XKR9: variants seen among roughly 807,000 people sequenced by gnomAD.
The protein encoded by XKR9 is XK-related protein 9.
XKR9 carries 32 observed loss-of-function variants against 32.0 expected under a neutral mutation model. The observed-to-expected ratio is 1.00, with a 90% CI of 0.76 to 1.34. The LOEUF is 1.34. Among genes scored for constraint, XKR9 ranks in the 40% most tolerant of loss-of-function variants. The pLI is 0.00. For synonymous variants in XKR9, 168 were observed against 143.4 expected, an observed-to-expected ratio of 1.17 and a Z score of -1.22; for missense variants, 546 against 429.7, an observed-to-expected ratio of 1.27 and a Z score of -2.39.
At chr8:70,693,384 G>A (rs1377438978) in intron 3 of XKR9, among the ~76,000 whole-genome samples, 1 of 152,122 alleles carries the variant, frequency 6.6e-6, no homozygotes, top group Non-Finnish European at 1.5e-5. Context: ...CAGTCAGTTG[G>A]TAGACTCTTT....
chr8:70,747,049 A>G (rs770448469), intron 2 of XKR9, among the ~76,000 whole-genome samples: 1 of 152,146 alleles, frequency 6.6e-6, no homozygotes, highest in Admixed American at 6.5e-5. Flanking sequence ...ACTTACGATA[A>G]TGGCCTCCAG....
the XKR9 span, among the ~76,000 whole-genome samples, chr8:70,941,661 G>C: frequency 7.6e-4 from 115 of 152,150 alleles, no homozygotes; most frequent in African/African-American, 2.7e-3. Flanking sequence ...GAGTGTCTTA[G>C]GTATTAAAAC....
chr8:70,883,613 TATC>T, the XKR9 span, among the ~76,000 whole-genome samples: 1 of 152,136 alleles, frequency 6.6e-6, no homozygotes, highest in Non-Finnish European at 1.5e-5. Flanking sequence ...CTTTGAAAAA[TATC>T]ATATAGTTGA....
downstream of XKR9, among the ~76,000 whole-genome samples, chr8:70,793,549 C>G (rs946889655): frequency 2.6e-5 from 4 of 152,070 alleles, no homozygotes; most frequent in African/African-American, 9.7e-5. Context: ...TTGGACTTCT[C>G]AGCTTCCAAA....
At chr8:70,852,800 A>T in the XKR9 span, among the ~76,000 whole-genome samples, 9 of 152,172 alleles carry the variant, frequency 5.9e-5, no homozygotes, top group Non-Finnish European at 1.3e-4. Flanking sequence ...TTGAACAATG[A>T]GAATATGTGG....
the XKR9 span, among the ~76,000 whole-genome samples, chr8:70,833,437 A>T: frequency 6.6e-6 from 1 of 152,220 alleles, no homozygotes; most frequent in Non-Finnish European, 1.5e-5. Context: ...TTACTTTCCA[A>T]AAACATTTTA....
At chr8:71,006,374 T>A in the XKR9 span, among the ~76,000 whole-genome samples, 1 of 152,168 alleles carries the variant, frequency 6.6e-6, no homozygotes, top group African/African-American at 2.4e-5. Context: ...GGCGTTAGTA[T>A]ATTTTATGTG....
intron 2 of XKR9, among the ~76,000 whole-genome samples, chr8:70,778,493 T>A (rs977754959): frequency 6.6e-6 from 1 of 152,198 alleles, no homozygotes; most frequent in African/African-American, 2.4e-5. Context: ...AGAAAGTCAG[T>A]GGTAGCTTGA....
intron 4 of XKR9, among the ~76,000 whole-genome samples, chr8:70,708,464 T>C (rs1386796050): frequency 3.3e-5 from 5 of 152,072 alleles, no homozygotes; most frequent in Admixed American, 2.0e-4. Flanking sequence ...AATAGAGGAA[T>C]TGGTAAATAA....
At chr8:70,713,818 C>G (rs1440500002) in intron 4 of XKR9, among the ~76,000 whole-genome samples, 1 of 151,926 alleles carries the variant, frequency 6.6e-6, no homozygotes, top group Non-Finnish European at 1.5e-5. Context: ...TAGAGAGACC[C>G]TATTTAAGAA....
the XKR9 span, among the ~76,000 whole-genome samples, chr8:70,811,716 A>T: frequency 6.6e-6 from 1 of 152,238 alleles, no homozygotes; most frequent in Non-Finnish European, 1.5e-5. Flanking sequence ...TCCTCAACAC[A>T]TACACACTCC....
chr8:70,905,029 CCTTT>C, the XKR9 span, among the ~76,000 whole-genome samples: 15 of 152,164 alleles, frequency 9.9e-5, no homozygotes, highest in African/African-American at 3.6e-4. Context: ...GGTAATTCGA[CCTTT>C]CTCTCTGGCT....
At chr8:70,810,970 A>C in the XKR9 span, among the ~76,000 whole-genome samples, 1 of 152,224 alleles carries the variant, frequency 6.6e-6, no homozygotes, top group Non-Finnish European at 1.5e-5. Flanking sequence ...CCTCCACCCC[A>C]AATCAACAGA....
At chr8:71,028,087 C>T in the XKR9 span, among the ~76,000 whole-genome samples, 3 of 152,128 alleles carry the variant, frequency 2.0e-5, no homozygotes, top group Non-Finnish European at 4.4e-5. Context: ...ATTGTTTCTT[C>T]TATTTTGTGA....
At chr8:70,918,753 A>C in the XKR9 span, among the ~76,000 whole-genome samples, 2 of 148,190 alleles carry the variant, frequency 1.3e-5, no homozygotes, top group Non-Finnish European at 3.0e-5. Flanking sequence ...TGGCATCCAA[A>C]TAGATCATGG....
At chr8:70,944,178 G>A in the XKR9 span, among the ~76,000 whole-genome samples, 1 of 152,196 alleles carries the variant, frequency 6.6e-6, no homozygotes, top group East Asian at 1.9e-4. Flanking sequence ...TTAGAGAGCT[G>A]CGCCCAAACC....
chr8:70,814,009 C>A, the XKR9 span, among the ~76,000 whole-genome samples: 1 of 152,152 alleles, frequency 6.6e-6, no homozygotes, highest in African/African-American at 2.4e-5. Flanking sequence ...TTTATTGCGG[C>A]ATTATTCACA....
chr8:70,762,981 A>C (rs976002188), intron 2 of XKR9, among the ~76,000 whole-genome samples: 3 of 152,142 alleles, frequency 2.0e-5, no homozygotes, highest in Non-Finnish European at 4.4e-5. Context: ...ATTTTTTGGT[A>C]AAGGAAGGTT....
chr8:71,028,019 C>A, the XKR9 span, among the ~76,000 whole-genome samples: 1 of 152,154 alleles, frequency 6.6e-6, no homozygotes, highest in Non-Finnish European at 1.5e-5. Flanking sequence ...AGTAATCCTG[C>A]CACCTTGGCC....
Sources: allele counts gnomAD v4.1 joint callset (sites outside exome capture counted in the v4.1 genomes callset), GRCh38; gene constraint gnomAD v4.1.1; transcripts MANE v1.5; gene names NCBI Gene and HGNC (gene_info 2026-07-23, HGNC 2026-07-21).